The following CYP26B1 variants were observed in gnomAD, a reference collection of about 807,000 sequenced individuals.
The protein encoded by CYP26B1 is cytochrome P450 family 26 subfamily B member 1, also known as cytochrome P450 26B1.
A neutral mutation model predicts 39.1 loss-of-function variants in CYP26B1; 8 were observed. That is an observed-to-expected ratio of 0.20 (90% CI 0.12 to 0.37). The LOEUF is 0.37. CYP26B1 is among the 10% of genes least tolerant of loss of function. The pLI is 1.00. For synonymous variants in CYP26B1, 321 were observed against 314.3 expected (o/e 1.02, Z -0.23); for missense variants, 615 against 707.0 (o/e 0.87, Z 1.48).
chr2:72,143,821 G>A (rs1036377549), intron 2 of CYP26B1, among the ~76,000 whole-genome samples, 168 bp downstream of exon 2: 2 of 152,226 alleles, frequency 1.3e-5, no homozygotes, highest in Admixed American at 6.5e-5. Flanking sequence ...GGCCGGAGCA[G>A]GCCCTGGATC....
chr2:72,138,600 G>T (rs967599623), intron 2 of CYP26B1, among the ~76,000 whole-genome samples: 3 of 152,242 alleles, frequency 2.0e-5, no homozygotes, highest in African/African-American at 7.2e-5. Flanking sequence ...CTGGGAGCCA[G>T]CCCAGGCTCA....
intron 2 of CYP26B1, among the ~76,000 whole-genome samples, chr2:72,138,146 C>T (rs1370811883): frequency 4.6e-5 from 7 of 152,188 alleles, no homozygotes; most frequent in African/African-American, 1.7e-4. Flanking sequence ...AGGGGCTGGG[C>T]TCAGAGGTCA....
rs1394322159 is a variant in CYP26B1, at chr2:72,133,823, G to A, written c.862-516C>T. 4.6e-5 allele frequency among the ~76,000 whole-genome samples: 7 copies of A among 152,134 alleles called. No individual in the cohort carries two copies. The South Asian group carries it at 1.0e-3, about 22-fold the overall frequency. On this transcript the variant is annotated intron_variant, in intron 4 of 5. Coordinates refer to ENST00000001146, the MANE Select transcript of CYP26B1 (RefSeq NM_019885.4). Reference sequence around the variant, plus strand: ...CAATGGGGTCTGGGAGGGAGCCTGGGGCCACTCCCCTGGAGACCTGGGATG... The same window carrying A: ...CAATGGGGTCTGGGAGGGAGCCTGGAGCCACTCCCCTGGAGACCTGGGATG...
At chr2:72,132,645 T>C (rs1173943571) in intron 5 of CYP26B1, 26 bp from the exon 6 acceptor site, 1 of 1,575,942 alleles carries the variant, frequency 6.3e-7, no homozygotes, top group Non-Finnish European at 8.6e-7. Context: ...GGCCGAGGAG[T>C]GGGTGGTGAG....
rs570495932 is a variant in CYP26B1, at chr2:72,134,653, G to C, written c.861+108C>G. 7.1e-5 allele frequency: 106 copies of C among 1,500,676 alleles called. 1 individual carries two copies. In the Admixed American group the frequency reaches 1.9e-3, roughly 27 times the overall value. 93.0% of individuals were successfully genotyped at this position (1,500,676 alleles called of 1,614,324 possible). A position where few individuals can be genotyped will look rare whatever the true frequency, so the allele number is the denominator to read the frequency against. On this transcript the variant is annotated intron_variant, in intron 4 of 5. Coordinates refer to ENST00000001146, the MANE Select transcript of CYP26B1 (RefSeq NM_019885.4). ...GCCACTGCTCAGAAAGCATGTGTGG[G>C]GCCAGACTACAGGGGGTAGAAATGG... is the stretch of plus-strand genomic sequence containing the variant.
In CYP26B1 at chr2:72,129,570, G is replaced by A. The variant is rs74839089; in HGVS notation, c.*2657C>T. ...TCTATTTTGAATTATAACAAAAATA[G>A]TACTTATAATAGTTTATAAAGACAG... On this transcript the variant is annotated 3_prime_UTR_variant, in exon 6 of 6. Coordinates refer to ENST00000001146, the MANE Select transcript of CYP26B1 (RefSeq NM_019885.4). 6.6e-6 allele frequency: 1 copy of A among 151,970 alleles called. No homozygotes were observed. Among genetic ancestry groups the A allele is most frequent in the Non-Finnish European group, 1.5e-5 (1 of 67,982 alleles). 9.4% of individuals were successfully genotyped at this position (151,970 alleles called of 1,614,324 possible). A position where few individuals can be genotyped will look rare whatever the true frequency, so the allele number is the denominator to read the frequency against.
intron 2 of CYP26B1, among the ~76,000 whole-genome samples, chr2:72,136,421 A>G (rs770068146): frequency 1.3e-5 from 2 of 152,168 alleles, no homozygotes; most frequent in Non-Finnish European, 2.9e-5. Flanking sequence ...GAAAGGTAAC[A>G]TTTTCCTGGC....
At chr2:72,140,329 G>A (rs1024693638) in intron 2 of CYP26B1, among the ~76,000 whole-genome samples, 14 of 152,232 alleles carry the variant, frequency 9.2e-5, no homozygotes, top group African/African-American at 3.4e-4. Flanking sequence ...CTGACCTTCA[G>A]ATAGATCCGC....
Position 72,133,077 on chromosome 2 carries a change from C to T in CYP26B1, c.1092G>A (p.Leu364=), listed in dbSNP as rs1267549747. 2 of 1,613,258 alleles carry T rather than the reference C, an allele frequency of 1.2e-6. No individual in the cohort carries two copies. The highest frequency in any genetic ancestry group is 1.1e-5 in the South Asian group (1 of 91,086). The change falls in exon 5 of 6, where the codon CTG becomes CTA. Residue 364 remains leucine, a synonymous_variant. Coordinates refer to ENST00000001146, the MANE Select transcript of CYP26B1 (RefSeq NM_019885.4). ...LDCVIKEVMR[L]FTPISGGYRT... Reference sequence around the variant, plus strand: ...GGTAGCCGCCGGAAATGGGCGTGAACAGGCGCATGACCTCCTTGATGACGC... The same window carrying T: ...GGTAGCCGCCGGAAATGGGCGTGAATAGGCGCATGACCTCCTTGATGACGC...
chr2:72,135,260 G>T lies in CYP26B1; in HGVS notation c.589C>A (p.Leu197Met), dbSNP rs779832742. The T allele has an allele frequency of 2.1e-5, 34 of 1,614,084 alleles. No homozygotes were observed. In the East Asian group the frequency reaches 7.1e-4, roughly 34 times the overall value. ...KLTFRMAIRV[L>M]LGFSIPEEDL... ...TCCTCAGGGATGCTGAAGCCCAGCA[G>T]CACCCGGATGGCCATGCGGAAGGTC... Residue 197 changes from leucine (L) to methionine (M), a missense_variant, in exon 3 of 6, where the codon CTG becomes ATG. Transcript: ENST00000001146.
At chr2:72,138,258 G>T (rs536629665) in intron 2 of CYP26B1, among the ~76,000 whole-genome samples, 9 of 152,184 alleles carry the variant, frequency 5.9e-5, no homozygotes, top group Non-Finnish European at 7.3e-5. Context: ...CTGTGCCCGG[G>T]GGGTAACAAC....
In CYP26B1 at chr2:72,144,174, T is replaced by G. The variant is rs765571536; in HGVS notation, c.244A>C (p.Asn82His). Residue 82 changes from asparagine to histidine, a missense_variant, in exon 2 of 6, where the codon AAC (asparagine) becomes CAC (histidine). Transcript: ENST00000001146. The stretch of plus-strand genomic sequence containing the variant: ...CCCAACAAATGCGTCTTGAACACGT[T>G]GCCATACTTCTCCCTCCGCGACGAC... ...FQSSRREKYG[N>H]VFKTHLLGRP... 3.7e-6 allele frequency: 6 copies of G among 1,604,886 alleles called. No homozygotes were observed. Among genetic ancestry groups the G allele is most frequent in the East Asian group, 2.2e-5 (1 of 44,564 alleles).
intron 1 of CYP26B1, among the ~76,000 whole-genome samples, chr2:72,145,495 C>T (rs567067201): frequency 3.7e-4 from 56 of 152,332 alleles, no homozygotes; most frequent in Non-Finnish European, 3.7e-4. Context: ...CCCTTCTAGA[C>T]GGCGTCTACC....
At chr2:72,144,300 C>G (rs1277788926) in intron 1 of CYP26B1, 87 bp from the exon 2 acceptor site, 1 of 1,534,072 alleles carries the variant, frequency 6.5e-7, no homozygotes, top group Non-Finnish European at 8.8e-7. Flanking sequence ...ACCCGGGGTA[C>G]AGTCACCTGC....
rs765011052 is a variant in CYP26B1 at position 72,133,008 on chromosome 2, C to T, written c.1146+15G>A. ...TGCTCCCCCATCGCCCCCGGTGCCA[C>T]GGGCCCAGCCTCACATCAAGCTCGA... On this transcript the variant is annotated intron_variant, in intron 5 of 5. Coordinates refer to ENST00000001146, the MANE Select transcript of CYP26B1 (RefSeq NM_019885.4). 34 of 1,612,960 alleles carry T rather than the reference C, an allele frequency of 2.1e-5. No homozygotes were observed. The highest frequency in any genetic ancestry group is 1.6e-4 in the Middle Eastern group (1 of 6,082).
intron 1 of CYP26B1, among the ~76,000 whole-genome samples, chr2:72,146,203 G>A (rs1677118196): frequency 6.6e-6 from 1 of 152,184 alleles, no homozygotes; most frequent in African/African-American, 2.4e-5. Flanking sequence ...GGGGTGGGTG[G>A]TGACAGACCG....
intron 4 of CYP26B1, 93 bp downstream of exon 4, chr2:72,134,668 G>T: frequency 1.3e-6 from 2 of 1,532,456 alleles, no homozygotes; most frequent in Non-Finnish European, 8.8e-7. Flanking sequence ...GACTACAGGG[G>T]GTAGAAATGG....
At chr2:72,145,920 G>T (rs1361209879) in intron 1 of CYP26B1, among the ~76,000 whole-genome samples, 1 of 152,174 alleles carries the variant, frequency 6.6e-6, no homozygotes, top group Non-Finnish European at 1.5e-5. Context: ...AGCCCTTGGA[G>T]GTCCCCCCGT....
intron 5 of CYP26B1, 55 bp downstream of exon 5, chr2:72,132,968 C>T: frequency 8.7e-6 from 14 of 1,611,338 alleles, no homozygotes; most frequent in Non-Finnish European, 1.2e-5. Context: ...CGCCTTGCCC[C>T]TATCCCGGTG....
Sources: allele counts gnomAD v4.1 joint callset (sites outside exome capture counted in the v4.1 genomes callset), GRCh38; gene constraint gnomAD v4.1.1; transcripts MANE v1.5; gene names NCBI Gene and HGNC (gene_info 2026-07-23, HGNC 2026-07-21).